Variants in PAM observed in about 807,000 individuals in gnomAD.
The protein encoded by PAM is peptidyl-glycine alpha-amidating monooxygenase.
In PAM, 72 loss-of-function variants were observed where a neutral mutation model predicts 122.1. The observed-to-expected ratio is 0.59, with a 90% CI of 0.49 to 0.72. PAM has a LOEUF of 0.72. Ranked by LOEUF, PAM falls within the 30% of genes least tolerant of loss-of-function variation. The probability of loss-of-function intolerance (pLI) is 0.00; values close to 1 mark genes in which losing one functional copy is unlikely to be tolerated. For synonymous variants in PAM, 389 were observed against 404.4 expected, an observed-to-expected ratio of 0.96 and a Z score of 0.46; for missense variants, 1,106 against 1,183.7, an observed-to-expected ratio of 0.93 and a Z score of 0.96.
intron 1 of PAM, among the ~76,000 whole-genome samples, chr5:102,859,733 T>A (rs1783617434): frequency 6.6e-6 from 1 of 152,200 alleles, no homozygotes; most frequent in African/African-American, 2.4e-5. Context: ...CTACTTCCAG[T>A]CCTGAAGCTC....
intron 1 of PAM, among the ~76,000 whole-genome samples, chr5:102,774,037 G>C (rs1229147104): frequency 6.6e-6 from 1 of 152,054 alleles, no homozygotes; most frequent in Non-Finnish European, 1.5e-5. Context: ...TCCTACAAAA[G>C]ACATGATCTC....
intron 12 of PAM, among the ~76,000 whole-genome samples, chr5:102,951,258 C>T (rs372600237): frequency 2.0e-5 from 3 of 151,908 alleles, no homozygotes; most frequent in South Asian, 4.1e-4. Context: ...GTTGTTTAGT[C>T]TACTAAATAA....
chr5:102,886,655 A>T (rs1793206028), intron 3 of PAM, among the ~76,000 whole-genome samples: 1 of 152,010 alleles, frequency 6.6e-6, no homozygotes, highest in African/African-American at 2.4e-5. Flanking sequence ...TATTGTCACT[A>T]ATTATAGTGA....
intron 4 of PAM, among the ~76,000 whole-genome samples, chr5:102,913,470 T>A (rs959441881): frequency 2.0e-5 from 3 of 151,988 alleles, no homozygotes; most frequent in African/African-American, 7.2e-5. Flanking sequence ...TATCGTACTG[T>A]TGTTATTCTA....
At chr5:102,981,415 A>G (rs1769805142) in intron 15 of PAM, among the ~76,000 whole-genome samples, 1 of 152,208 alleles carries the variant, frequency 6.6e-6, no homozygotes, top group Non-Finnish European at 1.5e-5. Context: ...GCCAATTAGC[A>G]TTTTCATTGA....
chr5:102,960,709 G>C (rs901257124), intron 13 of PAM, among the ~76,000 whole-genome samples: 1 of 151,718 alleles, frequency 6.6e-6, no homozygotes, highest in Non-Finnish European at 1.5e-5. Flanking sequence ...GTCTTAACAC[G>C]CTAGAGCAGC....
chr5:102,811,945 C>A (rs1460376292), intron 1 of PAM, among the ~76,000 whole-genome samples: 1 of 152,134 alleles, frequency 6.6e-6, no homozygotes, highest in Non-Finnish European at 1.5e-5. Flanking sequence ...TTGAGAGGCT[C>A]ACATCAGATG....
At chr5:102,979,728 C>G (rs952239180) in intron 15 of PAM, among the ~76,000 whole-genome samples, 3 of 151,958 alleles carry the variant, frequency 2.0e-5, no homozygotes, top group African/African-American at 7.2e-5. Flanking sequence ...ATATTAATCT[C>G]TTTCTGGAAA....
chr5:102,786,264 G>T (rs976989413), intron 1 of PAM, among the ~76,000 whole-genome samples: 3 of 152,194 alleles, frequency 2.0e-5, no homozygotes, highest in Non-Finnish European at 4.4e-5. Context: ...ACTTTGAACA[G>T]ACGTTACTTA....
chr5:102,832,563 A>G (rs1775785746), intron 1 of PAM, among the ~76,000 whole-genome samples: 1 of 152,206 alleles, frequency 6.6e-6, no homozygotes, highest in South Asian at 2.1e-4. Flanking sequence ...GAACAATTAT[A>G]ACAATATACT....
chr5:102,969,082 C>G (rs1764990553), intron 14 of PAM, among the ~76,000 whole-genome samples: 1 of 151,504 alleles, frequency 6.6e-6, no homozygotes, highest in Admixed American at 6.6e-5. Flanking sequence ...ACACCAGTGC[C>G]TGTCGGGGGG....
At chr5:102,905,258 G>A (rs538952725) in intron 4 of PAM, among the ~76,000 whole-genome samples, 1 of 151,696 alleles carries the variant, frequency 6.6e-6, no homozygotes. Context: ...AAATTTGACT[G>A]TCATCTTCAT....
intron 1 of PAM, among the ~76,000 whole-genome samples, chr5:102,824,146 C>G (rs1212025930): frequency 2.6e-5 from 4 of 152,152 alleles, no homozygotes; most frequent in African/African-American, 9.7e-5. Flanking sequence ...ATACTTAATG[C>G]TGCATCTGGA....
At chr5:102,768,173 A>T (rs1248713898) in intron 1 of PAM, among the ~76,000 whole-genome samples, 1 of 152,084 alleles carries the variant, frequency 6.6e-6, no homozygotes, top group Non-Finnish European at 1.5e-5. Context: ...TTCATACCTA[A>T]CCATGTCTTT....
At chr5:102,957,167 C>G (rs192149880) in intron 12 of PAM, among the ~76,000 whole-genome samples, 1 of 152,126 alleles carries the variant, frequency 6.6e-6, no homozygotes, top group African/African-American at 2.4e-5. Context: ...GTATGCATAT[C>G]TATGTATATT....
chr5:102,987,419 A>G (rs182292574), intron 15 of PAM: 4,696 of 359,680 alleles, frequency 0.013, 136 homozygotes, highest in South Asian at 0.061. Flanking sequence ...AAGTTGGTTA[A>G]TGGGTACCAA....
At position 102,877,907 on chromosome 5, in the gene PAM, G is replaced by A. The variant is rs150973316; in HGVS notation, c.210+10514G>A. On this transcript the variant is annotated intron_variant, in intron 3 of 25. Transcript: ENST00000438793. Reference sequence around the variant, plus strand: ...TAGCTGGGCGTGGTGGTGTGTGTCTGTAGTCCTAGCTACTCAGGAGGCTGT... The same window carrying A: ...TAGCTGGGCGTGGTGGTGTGTGTCTATAGTCCTAGCTACTCAGGAGGCTGT... Among the ~76,000 whole-genome samples, 843 of 151,808 alleles carry A rather than the reference G, an allele frequency of 5.6e-3. 11 individuals carry two copies. Among genetic ancestry groups the A allele is most frequent in the African/African-American group, 0.019 (796 of 41,468 alleles).
chr5:102,888,413 C>T (rs964725177), intron 3 of PAM, among the ~76,000 whole-genome samples: 4 of 151,952 alleles, frequency 2.6e-5, no homozygotes, highest in African/African-American at 9.7e-5. Context: ...TGACTAACAT[C>T]ACATTTAAAC....
chr5:103,012,530 CCA>C (rs1349799242), intron 21 of PAM, among the ~76,000 whole-genome samples: 2 of 152,066 alleles, frequency 1.3e-5, no homozygotes, highest in African/African-American at 4.8e-5. Flanking sequence ...TGTTCTTTCC[CCA>C]GTGTATGTTC....
Sources: gnomAD v4.1 joint callset for allele counts (sites outside exome capture counted in the v4.1 genomes callset) on GRCh38, gnomAD v4.1.1 for gene constraint, MANE v1.5 for transcripts, NCBI Gene and HGNC (gene_info 2026-07-23, HGNC 2026-07-21) for gene names.